NDC80: variants seen among roughly 807,000 people sequenced by gnomAD.
NDC80 encodes kinetochore protein NDC80 homolog.
NDC80 carries 69 observed loss-of-function variants against 89.3 expected under a neutral mutation model. That is an observed-to-expected ratio of 0.77 (90% CI 0.64 to 0.94). The LOEUF is 0.94. Ranked by LOEUF, NDC80 falls within the 40% of genes least tolerant of loss-of-function variation. The pLI, the probability that NDC80 is intolerant of heterozygous loss-of-function variation, is 0.00. For synonymous variants in NDC80, 243 were observed against 255.6 expected (o/e 0.95, Z 0.47); for missense variants, 593 against 739.6 (o/e 0.80, Z 2.30).
Position 2,573,052 on chromosome 18 carries a change from G to C in NDC80, c.67G>C (p.Asp23His). ...CTCCATGCAGGAGTTAAGATCCCAG[G>C]ATGTAAATAAACAAGGCCTCTATAC... ...RLSMQELRSQDVNKQGLYTPQ... is the reference protein window; with the variant it reads ...RLSMQELRSQHVNKQGLYTPQ... The change falls in exon 2 of 17, where the codon GAT becomes CAT. Residue 23 changes from aspartate to histidine, a missense_variant. Coordinates refer to ENST00000261597, the MANE Select transcript of NDC80 (RefSeq NM_006101.3). 1 of 1,614,050 alleles carries C rather than the reference G, an allele frequency of 6.2e-7. No homozygotes were observed. Among genetic ancestry groups the C allele is most frequent in the Non-Finnish European group, 8.5e-7 (1 of 1,179,990 alleles).
At chr18:2,614,626 AAAG>A in intron 16 of NDC80, among the ~76,000 whole-genome samples, 1 of 76,056 alleles carries the variant, frequency 1.3e-5, no homozygotes, top group Non-Finnish European at 2.5e-5. Flanking sequence ...AGAAAGAAAG[AAAG>A]AAAGAAAGAA....
At position 2,589,158 on chromosome 18, in the gene NDC80, C is replaced by G. The variant is rs562615220; in HGVS notation, c.764-46C>G. 3.5e-4 allele frequency: 440 copies of G among 1,239,918 alleles called. 6 individuals are homozygous for G. The South Asian group carries it at 4.9e-3, about 14-fold the overall frequency. 76.8% of individuals were successfully genotyped at this position (1,239,918 alleles called of 1,614,324 possible). ...TGGTGAAAACTTGGGAAAGAATGTT[C>G]TAGGCGGATTTGAGGTCTTAAAAAG... is the stretch of plus-strand genomic sequence containing the variant. On this transcript the variant is annotated intron_variant, in intron 8 of 16. Coordinates refer to ENST00000261597, the MANE Select transcript of NDC80 (RefSeq NM_006101.3).
intron 7 of NDC80, among the ~76,000 whole-genome samples, chr18:2,585,856 T>A (rs2072600801): frequency 6.6e-6 from 1 of 152,180 alleles, no homozygotes; most frequent in South Asian, 2.1e-4. Context: ...GGAATGAAGA[T>A]ATCAGTATTG....
chr18:2,574,608 T>C (rs2072536374), intron 2 of NDC80, among the ~76,000 whole-genome samples: 1 of 152,144 alleles, frequency 6.6e-6, no homozygotes, highest in African/African-American at 2.4e-5. Flanking sequence ...TATCTTGTAC[T>C]TTACCTTCAG....
chr18:2,575,675 A>C (rs1347658182), intron 3 of NDC80, among the ~76,000 whole-genome samples: 1 of 152,096 alleles, frequency 6.6e-6, no homozygotes, highest in South Asian at 2.1e-4. Flanking sequence ...CTGTAATCCC[A>C]GCACTTTGGG....
At chr18:2,600,417 T>C (rs1303144025) in intron 12 of NDC80, among the ~76,000 whole-genome samples, 2 of 152,112 alleles carry the variant, frequency 1.3e-5, no homozygotes, top group East Asian at 3.9e-4. Context: ...GAGAGCAGCC[T>C]GGCCAATATG....
intron 10 of NDC80, among the ~76,000 whole-genome samples, chr18:2,592,442 G>A (rs767728169): frequency 1.3e-4 from 19 of 150,566 alleles, no homozygotes; most frequent in Non-Finnish European, 2.2e-4. Flanking sequence ...TGCAACCCTC[G>A]CCTCCGGGGT....
At chr18:2,587,248 A>G (rs1437432705) in intron 7 of NDC80, among the ~76,000 whole-genome samples, 3 of 152,190 alleles carry the variant, frequency 2.0e-5, no homozygotes, top group Non-Finnish European at 4.4e-5. Context: ...AGTGACCAAA[A>G]CATCTCATGA....
At chr18:2,589,994 A>G (rs2072619620) in intron 9 of NDC80, 24 bp from the exon 10 acceptor site, 2 of 1,450,572 alleles carry the variant, frequency 1.4e-6, no homozygotes, top group African/African-American at 2.9e-5. Context: ...AGAATAACTA[A>G]AGTTATATTC....
At chr18:2,580,004 A>G (rs906849457) in intron 6 of NDC80, among the ~76,000 whole-genome samples, 2 of 152,084 alleles carry the variant, frequency 1.3e-5, no homozygotes, top group African/African-American at 4.8e-5. Flanking sequence ...ATGTTTTTAT[A>G]TGGTTATTTT....
At chr18:2,613,760 TTC>T (rs1167852699) in intron 16 of NDC80, among the ~76,000 whole-genome samples, 1 of 152,230 alleles carries the variant, frequency 6.6e-6, no homozygotes, top group African/African-American at 2.4e-5. Context: ...AATTAAGATC[TTC>T]TCTACATCAA....
chr18:2,582,983 AG>A (rs1398673557), intron 6 of NDC80: 1 of 152,196 alleles, frequency 6.6e-6, no homozygotes, highest in Non-Finnish European at 1.5e-5. Flanking sequence ...ACACTTCAGG[AG>A]CGTCTTGTTA....
In NDC80 at chr18:2,575,052, G is replaced by A. The variant is rs369863089; in HGVS notation, c.165G>A (p.Ser55=). The stretch of plus-strand genomic sequence containing the variant: ...AACCGACATCTGAAAGAAAAGTCTC[G>A]CTATTTGGCAAAAGGTAATTATATT... The part of the protein sequence containing the change: ...INKPTSERKV[S]LFGKRTSGHG... Residue 55 remains serine (S), a synonymous_variant, in exon 3 of 17, where the codon TCG becomes TCA. Transcript: ENST00000261597. The A allele has an allele frequency of 1.8e-5, 29 of 1,609,548 alleles. No individual in the cohort carries two copies. In the African/African-American group the frequency reaches 3.1e-4, roughly 17 times the overall value.
intron 3 of NDC80, 114 bp downstream of exon 3, chr18:2,575,180 C>A: frequency 1.3e-6 from 1 of 767,714 alleles, no homozygotes; most frequent in Non-Finnish European, 2.1e-6. Flanking sequence ...AAGTTATAAT[C>A]TAGTTTTCCT....
chr18:2,575,933 T>C (rs1357671262), intron 3 of NDC80, among the ~76,000 whole-genome samples: 2 of 151,992 alleles, frequency 1.3e-5, no homozygotes, highest in African/African-American at 4.8e-5. Context: ...AAAAAGAAAC[T>C]TTTTTCAATT....
intron 15 of NDC80, among the ~76,000 whole-genome samples, chr18:2,610,302 C>G (rs192095499): frequency 3.3e-5 from 5 of 152,266 alleles, no homozygotes; most frequent in Admixed American, 2.6e-4. Flanking sequence ...CAAGTACAAG[C>G]CTTGTGAAAG....
At chr18:2,580,806 A>G (rs528393002) in intron 6 of NDC80, among the ~76,000 whole-genome samples, 135 of 128,178 alleles carry the variant, frequency 1.1e-3, no homozygotes, top group Non-Finnish European at 1.5e-3. Context: ...CAGTGGCACA[A>G]TCTCGGCTCA....
Position 2,575,545 on chromosome 18 carries a change from G to C in NDC80, c.179+479G>C, listed in dbSNP as rs150017748. Among the ~76,000 whole-genome samples the C allele has an allele frequency of 7.7e-4, 117 of 151,918 alleles. 2 individuals are homozygous for C. The highest frequency in any genetic ancestry group is 2.7e-3 in the African/African-American group (112 of 41,414). The stretch of plus-strand genomic sequence containing the variant: ...CTTTGGGAGGCTGAGATGGGAGGCT[G>C]AGATGATCTTGAGTCCAAGAGTTCG... On this transcript the variant is annotated intron_variant, in intron 3 of 16. Transcript: ENST00000261597.
chr18:2,597,847 T>C (rs918055510), intron 11 of NDC80, among the ~76,000 whole-genome samples: 3 of 152,150 alleles, frequency 2.0e-5, no homozygotes, highest in Non-Finnish European at 4.4e-5. Flanking sequence ...TTGCCCTGTC[T>C]GGCTTGGGTA....
Sources: gnomAD v4.1 joint callset for allele counts (sites outside exome capture counted in the v4.1 genomes callset) on GRCh38, gnomAD v4.1.1 for gene constraint, MANE v1.5 for transcripts, NCBI Gene and HGNC (gene_info 2026-07-23, HGNC 2026-07-21) for gene names.